Variants in PHLPP1 observed in about 807,000 individuals in gnomAD.
The protein encoded by PHLPP1 is PH domain and leucine rich repeat protein phosphatase 1, also known as PH domain leucine-rich repeat-containing protein phosphatase 1.
A neutral mutation model predicts 117.2 loss-of-function variants in PHLPP1; 42 were observed. The observed-to-expected ratio is 0.36, with a 90% CI of 0.28 to 0.46. PHLPP1 has a LOEUF of 0.46. Ranked by LOEUF, PHLPP1 falls within the 20% of genes least tolerant of loss-of-function variation. The probability of loss-of-function intolerance (pLI) is 1.00; values close to 1 mark genes in which losing one functional copy is unlikely to be tolerated. For synonymous variants in PHLPP1, 1,042 were observed against 970.7 expected, an observed-to-expected ratio of 1.07 and a Z score of -1.37; for missense variants, 2,084 against 2,241.9, an observed-to-expected ratio of 0.93 and a Z score of 1.42.
chr18:62,750,504 C>A (rs1911814310), intron 1 of PHLPP1, among the ~76,000 whole-genome samples: 1 of 152,180 alleles, frequency 6.6e-6, no homozygotes, highest in African/African-American at 2.4e-5. Flanking sequence ...CCTTTACAGT[C>A]TTCAAAACCC....
intron 10 of PHLPP1, among the ~76,000 whole-genome samples, chr18:62,938,906 CTT>C (rs1266280782): frequency 6.6e-6 from 1 of 151,880 alleles, no homozygotes; most frequent in African/African-American, 2.4e-5. Flanking sequence ...CATGAATTCA[CTT>C]TGTTTTATCG....
At chr18:62,903,300 C>T in intron 7 of PHLPP1, 134 bp downstream of exon 7, 3 of 650,874 alleles carry the variant, frequency 4.6e-6, no homozygotes, top group Non-Finnish European at 5.2e-6. Context: ...ATAAAAGTCA[C>T]AAAAGAAAAA....
In PHLPP1 at chr18:62,864,851, A is replaced by G. The variant is rs537731525; in HGVS notation, c.2066+4250A>G. On this transcript the variant is annotated intron_variant, in intron 4 of 16. Transcript: ENST00000262719. ...TCACAGGAATAAGTAGGATTAGTCT[A>G]AATTGCAGGAAAAAACCTCAAAAAC... 5.9e-5 allele frequency among the ~76,000 whole-genome samples: 9 copies of G among 152,332 alleles called. No homozygotes were observed. In the South Asian group the frequency reaches 1.9e-3, roughly 32 times the overall value.
intron 1 of PHLPP1, among the ~76,000 whole-genome samples, chr18:62,754,650 G>T (rs1164937252): frequency 6.6e-6 from 1 of 152,212 alleles, no homozygotes; most frequent in Non-Finnish European, 1.5e-5. Context: ...GGAAATATCA[G>T]AAGGGAGGGC....
intron 9 of PHLPP1, among the ~76,000 whole-genome samples, chr18:62,918,469 A>G (rs1909368928): frequency 7.2e-6 from 1 of 137,986 alleles, no homozygotes; most frequent in African/African-American, 2.8e-5. Flanking sequence ...TGCTGAGCTA[A>G]TAGGCTGGAG....
intron 13 of PHLPP1, among the ~76,000 whole-genome samples, chr18:62,961,072 A>G (rs889861543): frequency 2.6e-5 from 4 of 152,108 alleles, no homozygotes; most frequent in Admixed American, 2.6e-4. Context: ...CGAGGTGGGT[A>G]GATCACCTGA....
At chr18:62,863,778 C>T (rs920120417) in intron 4 of PHLPP1, among the ~76,000 whole-genome samples, 11 of 152,002 alleles carry the variant, frequency 7.2e-5, no homozygotes, top group African/African-American at 2.7e-4. Context: ...GGCTTTTGGC[C>T]AGCTTCTTTA....
At chr18:62,887,114 A>G (rs1916305185) in intron 4 of PHLPP1, among the ~76,000 whole-genome samples, 1 of 152,230 alleles carries the variant, frequency 6.6e-6, no homozygotes, top group Non-Finnish European at 1.5e-5. Flanking sequence ...TCCTGAGGCC[A>G]TTCTTTGACC....
At chr18:62,972,245 TC>T (rs1911071629) in intron 14 of PHLPP1, among the ~76,000 whole-genome samples, 1 of 152,178 alleles carries the variant, frequency 6.6e-6, no homozygotes, top group South Asian at 2.1e-4. Flanking sequence ...TGCCTCTTTT[TC>T]CCCTTCTGTC....
chr18:62,904,926 G>A (rs977270484), intron 7 of PHLPP1, among the ~76,000 whole-genome samples: 6 of 152,202 alleles, frequency 3.9e-5, no homozygotes, highest in Admixed American at 2.6e-4. Flanking sequence ...GATGGTACTC[G>A]TGGTTAATCT....
chr18:62,750,880 T>C (rs1166496981), intron 1 of PHLPP1, among the ~76,000 whole-genome samples: 1 of 152,070 alleles, frequency 6.6e-6, no homozygotes, highest in African/African-American at 2.4e-5. Context: ...AAAGAGAAAA[T>C]GAAAGGATTC....
At chr18:62,890,485 C>T (rs573644596) in intron 4 of PHLPP1, among the ~76,000 whole-genome samples, 5 of 152,214 alleles carry the variant, frequency 3.3e-5, no homozygotes, top group African/African-American at 4.8e-5. Flanking sequence ...AGGCTGGTCT[C>T]GAAGTCTTGA....
At chr18:62,849,830 A>ATATATATATATATATATATAT (rs1465429883) in intron 3 of PHLPP1, among the ~76,000 whole-genome samples, 4 of 21,212 alleles carry the variant, frequency 1.9e-4, no homozygotes, top group African/African-American at 5.5e-4. Context: ...AAAAAAAAAA[A>ATATATATATATATATATATAT]AAATATATAT....
At chr18:62,804,853 A>G (rs923567363) in intron 1 of PHLPP1, among the ~76,000 whole-genome samples, 8 of 148,640 alleles carry the variant, frequency 5.4e-5, no homozygotes, top group Non-Finnish European at 1.2e-4. Context: ...TATAATATAC[A>G]CTATATATTA....
intron 10 of PHLPP1, among the ~76,000 whole-genome samples, chr18:62,927,198 C>A (rs989871675): frequency 1.3e-5 from 2 of 152,142 alleles, no homozygotes; most frequent in Admixed American, 6.5e-5. Flanking sequence ...TCAGTCCAAA[C>A]AAAGAGATCC....
At chr18:62,721,628 G>A (rs539599030) in intron 1 of PHLPP1, among the ~76,000 whole-genome samples, 51 of 152,142 alleles carry the variant, frequency 3.4e-4, no homozygotes, top group Non-Finnish European at 3.5e-4. Flanking sequence ...ATGTTATATA[G>A]TGCTAGAGAT....
rs373402786 is a variant in PHLPP1, at chr18:62,919,914, C to A, written c.2805-45C>A. ...TTTTGGAGAGGTAATTTTAAGTATTCTTTACTCTTTTTCATTTTTTGGTCT... is the reference window on the plus strand; with the variant it reads ...TTTTGGAGAGGTAATTTTAAGTATTATTTACTCTTTTTCATTTTTTGGTCT... On this transcript the variant is annotated intron_variant, in intron 9 of 16. Coordinates refer to ENST00000262719, the MANE Select transcript of PHLPP1 (RefSeq NM_194449.4). 115 of 1,423,182 alleles carry A rather than the reference C, an allele frequency of 8.1e-5. No individual in the cohort carries two copies. In the African/African-American group the frequency reaches 1.5e-3, roughly 18 times the overall value. 88.2% of individuals were successfully genotyped at this position (1,423,182 alleles called of 1,614,324 possible). A position where few individuals can be genotyped will look rare whatever the true frequency, so the allele number is the denominator to read the frequency against.
chr18:62,780,369 C>G (rs1913083838), intron 1 of PHLPP1, among the ~76,000 whole-genome samples: 1 of 152,174 alleles, frequency 6.6e-6, no homozygotes, highest in Non-Finnish European at 1.5e-5. Flanking sequence ...CTTAAGGATA[C>G]TTATTTGGCC....
chr18:62,875,495 C>A (rs1044134790), intron 4 of PHLPP1, among the ~76,000 whole-genome samples: 18 of 151,736 alleles, frequency 1.2e-4, no homozygotes, highest in African/African-American at 4.4e-4. Flanking sequence ...CCTTTGTTTT[C>A]TATATTTATC....
Sources: gnomAD v4.1 joint callset for allele counts (sites outside exome capture counted in the v4.1 genomes callset) on GRCh38, gnomAD v4.1.1 for gene constraint, MANE v1.5 for transcripts, NCBI Gene and HGNC (gene_info 2026-07-23, HGNC 2026-07-21) for gene names.